The following FAT1 variants were observed in gnomAD, a reference collection of about 807,000 sequenced individuals.
The protein encoded by FAT1 is protocadherin Fat 1.
FAT1 carries 171 observed loss-of-function variants against 329.8 expected under a neutral mutation model. The observed-to-expected ratio is 0.52, with a 90% CI of 0.46 to 0.59. FAT1 has a LOEUF of 0.59. FAT1 is among the 20% of genes least tolerant of loss of function. The pLI is 0.00. For synonymous variants in FAT1, 2,233 were observed against 2,228.6 expected, an observed-to-expected ratio of 1.00 and a Z score of -0.06; for missense variants, 5,672 against 5,774.4, an observed-to-expected ratio of 0.98 and a Z score of 0.57.
At chr4:186,683,259 CTG>C (rs1045831566) in intron 2 of FAT1, among the ~76,000 whole-genome samples, 13 of 152,180 alleles carry the variant, frequency 8.5e-5, no homozygotes, top group African/African-American at 2.4e-4. Flanking sequence ...TCAGCTGAAA[CTG>C]TGCGTTCTTT....
At chr4:186,647,265 C>T (rs766631889) in intron 3 of FAT1, among the ~76,000 whole-genome samples, 1 of 152,198 alleles carries the variant, frequency 6.6e-6, no homozygotes, top group Admixed American at 6.5e-5. Flanking sequence ...TCCCAAGACC[C>T]AGCTCTGGGG....
intron 26 of FAT1, among the ~76,000 whole-genome samples, chr4:186,595,418 A>G (rs1738452651): frequency 6.6e-6 from 1 of 152,100 alleles, no homozygotes; most frequent in African/African-American, 2.4e-5. Context: ...CTGTTGTGAA[A>G]AAAAGCCAAT....
intron 26 of FAT1, chr4:186,590,657 A>G (rs573363922): frequency 2.4e-5 from 11 of 456,288 alleles, no homozygotes; most frequent in South Asian, 1.4e-4. Context: ...CAGAAAACTC[A>G]AATATTACTT....
chr4:186,709,679 T>G lies in FAT1; in HGVS notation c.149A>C (p.Lys50Thr). 6.2e-7 allele frequency: 1 copy of G among 1,613,984 alleles called. No homozygotes were observed. Among genetic ancestry groups the G allele is most frequent in the Non-Finnish European group, 8.5e-7 (1 of 1,179,892 alleles). ...CTTGACAGGATGCCCCACATAAGTC[T>G]TAGCTGCAGAGTTCTCCTGCACGGT... ...NVTVQENSAA[K>T]TYVGHPVKMG... Residue 50 changes from lysine to threonine, a missense_variant, in exon 2 of 27, where the codon AAG becomes ACG. Physicochemically the swap from Lys to Thr is moderately conservative, Grantham distance 78. Transcript: ENST00000441802.
chr4:186,623,679 C>T (rs1205757920), intron 9 of FAT1, among the ~76,000 whole-genome samples: 1 of 152,190 alleles, frequency 6.6e-6, no homozygotes, highest in Non-Finnish European at 1.5e-5. Context: ...TGCCCTCCAG[C>T]CAAGTGGGCA....
intron 2 of FAT1, among the ~76,000 whole-genome samples, chr4:186,685,634 A>C (rs1363876151): frequency 6.6e-6 from 1 of 152,254 alleles, no homozygotes; most frequent in African/African-American, 2.4e-5. Flanking sequence ...TTCAACCTGC[A>C]TAATGCTTTC....
At chr4:186,703,211 C>A (rs765149354) in intron 2 of FAT1, among the ~76,000 whole-genome samples, 2 of 152,152 alleles carry the variant, frequency 1.3e-5, no homozygotes, top group Non-Finnish European at 2.9e-5. Flanking sequence ...CGCTTTCTCT[C>A]GCTGCAAAGC....
chr4:186,636,836 T>C lies in FAT1; in HGVS notation c.3721A>G (p.Asn1241Asp). 6.2e-7 allele frequency: 1 copy of C among 1,614,048 alleles called. No homozygotes were observed. Among genetic ancestry groups the C allele is most frequent in the Non-Finnish European group, 8.5e-7 (1 of 1,179,898 alleles). ...AACTTTTGCAGAAACTGAGGTTTGTTGTCATTTTCATCAAGGATTTTCACA... is the reference window on the plus strand; with the variant it reads ...AACTTTTGCAGAAACTGAGGTTTGTCGTCATTTTCATCAAGGATTTTCACA... ...VIVKILDENDNKPQFLQKFYK... is the reference protein window; with the variant it reads ...VIVKILDENDDKPQFLQKFYK... Residue 1241 changes from asparagine to aspartate, a missense_variant, in exon 5 of 27, where the codon AAC becomes GAC. Physicochemically the swap from Asn to Asp is conservative, Grantham distance 23 (BLOSUM62 1). Transcript: ENST00000441802.
intron 2 of FAT1, among the ~76,000 whole-genome samples, chr4:186,668,571 G>A (rs1742574866): frequency 6.6e-6 from 1 of 152,178 alleles, no homozygotes; most frequent in Admixed American, 6.5e-5. Context: ...CTTTAAGGGA[G>A]TCCTGGTTTC....
chr4:186,645,278 CCTAAA>C (rs1055521458), intron 3 of FAT1, among the ~76,000 whole-genome samples: 4 of 148,630 alleles, frequency 2.7e-5, no homozygotes, highest in Non-Finnish European at 4.5e-5. Flanking sequence ...CCAGCAGAAC[CCTAAA>C]CTAAATTATG....
rs2126509206 is a variant in FAT1, at chr4:186,619,796, G to A, written c.6790C>T (p.His2264Tyr). 2 of 1,614,024 alleles carry A rather than the reference G, an allele frequency of 1.2e-6. No individual in the cohort carries two copies. Among genetic ancestry groups the A allele is most frequent in the African/African-American group, 1.3e-5 (1 of 75,050 alleles). ...ATGATGTCCACAAATACTTCAGCAT[G>A]AGCGCCCGTCAAGGAGTCAGTTGCG... is the stretch of plus-strand genomic sequence containing the variant. ...IRATDSLTGAHAEVFVDIIVD... is the reference protein window; with the variant it reads ...IRATDSLTGAYAEVFVDIIVD... Residue 2264 changes from histidine (H) to tyrosine (Y), a missense_variant, in exon 10 of 27, where the codon CAT becomes TAT. Physicochemically the swap from His to Tyr is moderately conservative, Grantham distance 83. Coordinates refer to ENST00000441802, the MANE Select transcript of FAT1 (RefSeq NM_005245.4).
chr4:186,597,208 A>T (rs370606960), intron 24 of FAT1, 37 bp from the exon 25 acceptor site: 18 of 1,527,670 alleles, frequency 1.2e-5, no homozygotes, highest in Non-Finnish European at 1.6e-5. Flanking sequence ...AGACCTCTGT[A>T]GCATACGCCA....
chr4:186,706,418 G>T, intron 2 of FAT1, 145 bp downstream of exon 2: 2 of 817,936 alleles, frequency 2.4e-6, no homozygotes, highest in Non-Finnish European at 3.8e-6. Context: ...TACAGCAGCC[G>T]GGCCAAAAAA....
chr4:186,709,087 G>A lies in FAT1; in HGVS notation c.741C>T (p.Ile247=), dbSNP rs35939569. 1,806 of 1,613,746 alleles carry A rather than the reference G, an allele frequency of 1.1e-3. 18 individuals are homozygous for A. In the African/African-American group the frequency reaches 0.021, roughly 19 times the overall value. Residue 247 remains isoleucine, a synonymous_variant, in exon 2 of 27, where the codon ATC becomes ATT. Transcript: ENST00000441802. ...CCGGAGCACATTCATTGGCCTGTTC[G>A]ATGTGCACCGTTAGCTTGGCCATGC... ...ISSMAKLTVH[I]EQANECAPVI... is the part of the protein sequence containing the mutation.
intron 4 of FAT1, among the ~76,000 whole-genome samples, chr4:186,637,595 T>C (rs2126566738): frequency 6.6e-6 from 1 of 152,348 alleles, no homozygotes; most frequent in East Asian, 1.9e-4. Flanking sequence ...ATATTCTATT[T>C]AGGAAAAAAT....
At chr4:186,684,342 T>TC (rs1445661457) in intron 2 of FAT1, among the ~76,000 whole-genome samples, 1 of 152,166 alleles carries the variant, frequency 6.6e-6, no homozygotes, top group Non-Finnish European at 1.5e-5. Flanking sequence ...TAGGAGTGCT[T>TC]CCGTGCTGGA....
In FAT1 at chr4:186,619,186, A is replaced by G. The variant is rs892204640; in HGVS notation, c.7400T>C (p.Val2467Ala). 10 of 1,613,978 alleles carry G rather than the reference A, an allele frequency of 6.2e-6. No homozygotes were observed. In the South Asian group the frequency reaches 1.1e-4, roughly 18 times the overall value. ...GGAACTTCTAAAAACTCCATCAGACACTGACAGGTTAAGACTGTAAAATGG... is the reference window on the plus strand; with the variant it reads ...GGAACTTCTAAAAACTCCATCAGACGCTGACAGGTTAAGACTGTAAAATGG... ...LKPFYSLNLS[V>A]SDGVFRSSTQ... Residue 2467 changes from valine (V) to alanine (A), a missense_variant, in exon 10 of 27, where the codon GTG (valine) becomes GCG (alanine). This residue lies in a region of FAT1 where 3,966 missense variants were observed against 3,915.2 expected (regional missense o/e 1.01). Transcript: ENST00000441802.
At chr4:186,661,450 G>A (rs536989464) in intron 3 of FAT1, among the ~76,000 whole-genome samples, 2 of 152,336 alleles carry the variant, frequency 1.3e-5, no homozygotes, top group African/African-American at 4.8e-5. Flanking sequence ...CCTAGGCAAT[G>A]AAGTCTCCAT....
intron 17 of FAT1, among the ~76,000 whole-genome samples, chr4:186,604,831 G>A (rs960393091): frequency 7.3e-6 from 1 of 136,998 alleles, no homozygotes; most frequent in African/African-American, 2.8e-5. Flanking sequence ...GGAGGAAGAG[G>A]GAGGAGGGGA....
Sources: gnomAD v4.1 joint callset for allele counts (sites outside exome capture counted in the v4.1 genomes callset) on GRCh38, gnomAD v4.1.1 for gene constraint, gnomAD v4.1.1 regional missense constraint, MANE v1.5 for transcripts, NCBI Gene and HGNC (gene_info 2026-07-23, HGNC 2026-07-21) for gene names.